Variants in IL20RB observed in about 807,000 individuals in gnomAD.
The protein encoded by IL20RB is interleukin 20 receptor subunit beta, also known as interleukin-20 receptor subunit beta.
In IL20RB, 21 loss-of-function variants were observed where a neutral mutation model predicts 33.3. The observed-to-expected ratio is 0.63, with a 90% CI of 0.45 to 0.91. The LOEUF (loss-of-function observed/expected upper bound fraction) is 0.91. IL20RB is among the 40% of genes least tolerant of loss of function. IL20RB has a pLI of 0.00. For missense variants in IL20RB, 345 were observed against 384.8 expected (o/e 0.90, Z 0.86); for synonymous variants, 147 against 146.8 (o/e 1.00, Z -0.01).
intron 3 of IL20RB, among the ~76,000 whole-genome samples, chr3:136,987,567 C>T (rs983965846): frequency 2.9e-4 from 44 of 152,226 alleles, no homozygotes; most frequent in South Asian, 4.1e-4. Flanking sequence ...AGCTGCGTGC[C>T]AGTCCTGCGC....
At chr3:137,003,041 T>G (rs1027880817) in intron 6 of IL20RB, among the ~76,000 whole-genome samples, 6 of 152,160 alleles carry the variant, frequency 3.9e-5, no homozygotes, top group African/African-American at 7.2e-5. Context: ...TTTCCCCATT[T>G]CTTGTTTTTG....
At chr3:137,009,128 A>C (rs546797379) in intron 6 of IL20RB, among the ~76,000 whole-genome samples, 2 of 152,328 alleles carry the variant, frequency 1.3e-5, no homozygotes, top group East Asian at 3.9e-4. Context: ...GCCTCTTTGC[A>C]AACAAGGATG....
Position 137,010,239 on chromosome 3 carries a change from CA to C in IL20RB, c.*17del. 1 of 1,224,070 alleles carries C rather than the reference CA, an allele frequency of 8.2e-7. No individual in the cohort carries two copies. Among genetic ancestry groups the C allele is most frequent in the Non-Finnish European group, 1.2e-6 (1 of 825,252 alleles). The allele number at this position is 1,224,070 out of a possible 1,614,324, so 75.8% of individuals were successfully genotyped here. On this transcript the variant is annotated 3_prime_UTR_variant, in exon 7 of 7. Coordinates refer to ENST00000329582, the MANE Select transcript of IL20RB (RefSeq NM_144717.4). ...GATCTCATAGGTTTGCGGAAGGGCC[CA>C]GGTGAAGCCGAGAACCTGGTCTGCA...
Position 136,972,271 on chromosome 3 carries a change from C to A in IL20RB, c.89-8195C>A, listed in dbSNP as rs188847063. Among the ~76,000 whole-genome samples, 6 of 152,266 alleles carry A rather than the reference C, an allele frequency of 3.9e-5. No individual in the cohort carries two copies. The East Asian group carries it at 1.2e-3, about 29-fold the overall frequency. On this transcript the variant is annotated intron_variant, in intron 1 of 6. Transcript: ENST00000329582. ...TAGTTTGCAAATATTTTCTCCCATT[C>A]AACGGATTGTCTCTTCACTCAGCTG...
At chr3:136,998,384 G>C (rs548676991) in intron 6 of IL20RB, among the ~76,000 whole-genome samples, 1 of 150,868 alleles carries the variant, frequency 6.6e-6, no homozygotes, top group African/African-American at 2.4e-5. Flanking sequence ...TATTTTTAAG[G>C]TATTTAAAAT....
intron 1 of IL20RB, among the ~76,000 whole-genome samples, chr3:136,964,619 G>A (rs1185746523): frequency 1.2e-5 from 1 of 86,926 alleles, no homozygotes; most frequent in Non-Finnish European, 2.2e-5. Context: ...AGTAGGTTGC[G>A]AAAATTTTCT....
chr3:136,960,717 T>G (rs1034169515), intron 1 of IL20RB, among the ~76,000 whole-genome samples: 5 of 152,186 alleles, frequency 3.3e-5, no homozygotes, highest in Admixed American at 1.3e-4. Flanking sequence ...ATCTAGTAAG[T>G]GCAGGAATTG....
At chr3:136,992,868 A>C (rs1942059133) in intron 5 of IL20RB, among the ~76,000 whole-genome samples, 1 of 152,156 alleles carries the variant, frequency 6.6e-6, no homozygotes, top group African/African-American at 2.4e-5. Flanking sequence ...TGCTCAGCTC[A>C]TTTAGGGCAT....
chr3:136,979,309 C>T (rs908456948), intron 1 of IL20RB, among the ~76,000 whole-genome samples: 6 of 152,154 alleles, frequency 3.9e-5, no homozygotes, highest in Non-Finnish European at 8.8e-5. Flanking sequence ...GTGGGGTGTC[C>T]CCAGCAGCCT....
At chr3:136,992,806 G>A (rs971537001) in intron 5 of IL20RB, among the ~76,000 whole-genome samples, 2 of 151,954 alleles carry the variant, frequency 1.3e-5, no homozygotes, top group Non-Finnish European at 2.9e-5. Flanking sequence ...GTCTTGCTCT[G>A]TTGCCTGGGC....
chr3:136,992,030 C>G lies in IL20RB; in HGVS notation c.624C>G (p.Phe208Leu), dbSNP rs552640752. ...GAAYCVKAQT[F>L]VKAIGRYSAF... ...CATACTGTGTGAAGGCCCAGACATT[C>G]GTGAAGGCCATTGGGAGGTACAGCG... The change falls in exon 5 of 7, where the codon TTC (phenylalanine) becomes TTG (leucine). Residue 208 changes from phenylalanine to leucine, a missense_variant. By Grantham distance (22) the Phe-to-Leu change is conservative. Transcript: ENST00000329582. 1 of 1,614,086 alleles carries G rather than the reference C, an allele frequency of 6.2e-7. No homozygotes were observed. Among genetic ancestry groups the G allele is most frequent in the Admixed American group, 1.7e-5 (1 of 60,008 alleles).
intron 6 of IL20RB, among the ~76,000 whole-genome samples, chr3:137,004,635 G>A (rs370613905): frequency 5.9e-5 from 9 of 151,972 alleles, no homozygotes; most frequent in East Asian, 1.9e-4. Flanking sequence ...TTTTTGTTGC[G>A]TCTATTTGAT....
chr3:136,972,612 A>G (rs1941514599), intron 1 of IL20RB, among the ~76,000 whole-genome samples: 1 of 152,020 alleles, frequency 6.6e-6, no homozygotes. Context: ...ACAGTCTCTG[A>G]TGATTTTATG....
At chr3:136,989,953 A>G (rs900726207) in intron 4 of IL20RB, among the ~76,000 whole-genome samples, 1 of 152,266 alleles carries the variant, frequency 6.6e-6, no homozygotes, top group Admixed American at 6.5e-5. Flanking sequence ...AAAGCACACA[A>G]CGCTGGTACA....
chr3:136,992,294 G>A (rs1942048745), intron 5 of IL20RB, among the ~76,000 whole-genome samples: 1 of 152,216 alleles, frequency 6.6e-6, no homozygotes, highest in African/African-American at 2.4e-5. Context: ...GCTGGGTGGG[G>A]TTACGAGCAG....
intron 6 of IL20RB, among the ~76,000 whole-genome samples, chr3:137,000,282 A>G (rs1045922130): frequency 6.6e-6 from 1 of 152,214 alleles, no homozygotes; most frequent in Non-Finnish European, 1.5e-5. Context: ...CCTGTACCTC[A>G]CACAGTTCAA....
intron 6 of IL20RB, among the ~76,000 whole-genome samples, chr3:137,003,645 A>G (rs1942290724): frequency 1.3e-5 from 2 of 152,196 alleles, no homozygotes; most frequent in Non-Finnish European, 2.9e-5. Context: ...GAAGTTGCTT[A>G]TAAGCTTAAG....
chr3:136,972,384 T>C (rs1173171133), intron 1 of IL20RB, among the ~76,000 whole-genome samples: 1 of 152,230 alleles, frequency 6.6e-6, no homozygotes, highest in African/African-American at 2.4e-5. Context: ...AGGATTGATA[T>C]TAATTCTTCT....
intron 1 of IL20RB, among the ~76,000 whole-genome samples, chr3:136,979,553 T>C (rs1941716777): frequency 6.6e-6 from 1 of 152,232 alleles, no homozygotes; most frequent in South Asian, 2.1e-4. Context: ...TTTTTGGCTT[T>C]GTGACTGCCC....
Sources: allele counts gnomAD v4.1 joint callset (sites outside exome capture counted in the v4.1 genomes callset), GRCh38; gene constraint gnomAD v4.1.1; transcripts MANE v1.5; gene names NCBI Gene and HGNC (gene_info 2026-07-23, HGNC 2026-07-21).